Variants in GRM3 observed in about 807,000 individuals in gnomAD.
The protein encoded by GRM3 is metabotropic glutamate receptor 3.
Under a neutral mutation model 70.5 loss-of-function variants are expected in GRM3, and 26 were observed. That is an observed-to-expected ratio of 0.37 (90% CI 0.27 to 0.51). GRM3 has a LOEUF of 0.51. Among genes scored for constraint, GRM3 ranks in the 20% least tolerant of loss-of-function variants. The pLI is 0.93. For synonymous variants in GRM3, 443 were observed against 434.9 expected (o/e 1.02, Z -0.23); for missense variants, 859 against 1,123.8 (o/e 0.76, Z 3.37).
intron 3 of GRM3, among the ~76,000 whole-genome samples, chr7:86,814,435 C>T (rs1213602638): frequency 6.6e-6 from 1 of 151,668 alleles, no homozygotes; most frequent in African/African-American, 2.4e-5. Context: ...GCCTTTGCAT[C>T]CTCATAGCTT....
intron 3 of GRM3, among the ~76,000 whole-genome samples, chr7:86,835,277 G>A (rs530344679): frequency 1.1e-3 from 167 of 151,998 alleles, no homozygotes; most frequent in South Asian, 2.3e-3. Flanking sequence ...TTATTATTTA[G>A]TATTTAAATT....
rs5885556 is a variant in GRM3, at chr7:86,708,946, T to TAC, written c.-140-56046_-140-56045dup. The stretch of plus-strand genomic sequence containing the variant: ...CGAATCTCTGTCACACACATACATA[T>TAC]ACACACACACACACAAACAGAGTTA... On this transcript the variant is annotated intron_variant, in intron 1 of 5. Coordinates refer to ENST00000361669, the MANE Select transcript of GRM3 (RefSeq NM_000840.3). Among the ~76,000 whole-genome samples the TAC allele has an allele frequency of 3.3e-3, 498 of 151,484 alleles. 1 individual carries two copies. The highest frequency in any genetic ancestry group is 5.7e-3 in the Non-Finnish European group (388 of 67,778).
chr7:86,808,002 T>TTATGTGG (rs1194451352), intron 3 of GRM3, among the ~76,000 whole-genome samples: 1 of 152,116 alleles, frequency 6.6e-6, no homozygotes, highest in East Asian at 1.9e-4. Flanking sequence ...ATTGAGATAG[T>TTATGTGG]TATGTGGTTT....
chr7:86,810,956 C>G (rs1374048503), intron 3 of GRM3, among the ~76,000 whole-genome samples: 2 of 151,906 alleles, frequency 1.3e-5, no homozygotes, highest in Non-Finnish European at 2.9e-5. Flanking sequence ...AAAATTTCAT[C>G]TAGTCAATAA....
At chr7:86,690,728 A>C (rs970965041) in intron 1 of GRM3, among the ~76,000 whole-genome samples, 4 of 152,090 alleles carry the variant, frequency 2.6e-5, no homozygotes. Flanking sequence ...GTGGGAATCA[A>C]GAGTCTTGTT....
chr7:86,716,068 A>G (rs1204560301), intron 1 of GRM3, among the ~76,000 whole-genome samples: 1 of 152,116 alleles, frequency 6.6e-6, no homozygotes, highest in Non-Finnish European at 1.5e-5. Flanking sequence ...CCTTCTTTGC[A>G]TGTAAATGAA....
intron 1 of GRM3, among the ~76,000 whole-genome samples, chr7:86,672,711 A>G (rs2115913429): frequency 1.3e-5 from 2 of 152,270 alleles, no homozygotes; most frequent in South Asian, 4.1e-4. Flanking sequence ...CTCTCAAAGC[A>G]TCACATTGTC....
Position 86,651,813 on chromosome 7 carries a change from G to C in GRM3, c.-141+6941G>C, listed in dbSNP as rs111347454. ...GACGTCCCCTTGAAAAAAATGTTTT[G>C]AGGAATGCCAAAAGTCCCACTTCCC... On this transcript the variant is annotated intron_variant, in intron 1 of 5. Coordinates refer to ENST00000361669, the MANE Select transcript of GRM3 (RefSeq NM_000840.3). 6.9e-3 allele frequency among the ~76,000 whole-genome samples: 1,045 copies of C among 152,140 alleles called. 18 individuals carry two copies. Among genetic ancestry groups the C allele is most frequent in the African/African-American group, 0.024 (980 of 41,490 alleles).
intron 1 of GRM3, among the ~76,000 whole-genome samples, chr7:86,653,184 T>C (rs545037416): frequency 1.6e-3 from 250 of 152,244 alleles, no homozygotes; most frequent in African/African-American, 5.5e-3. Context: ...TGCTCTGGGC[T>C]CTCCTCCTCT....
chr7:86,791,520 G>A (rs1463351950), intron 3 of GRM3, among the ~76,000 whole-genome samples: 1 of 152,168 alleles, frequency 6.6e-6, no homozygotes, highest in Non-Finnish European at 1.5e-5. Flanking sequence ...ATTCGCCCAA[G>A]ATCAGTCAGC....
chr7:86,695,244 A>G (rs551448990), intron 1 of GRM3, among the ~76,000 whole-genome samples: 7 of 152,332 alleles, frequency 4.6e-5, no homozygotes, highest in African/African-American at 1.2e-4. Context: ...CCTTTCTCCT[A>G]TAAATAGATT....
rs371453726 is a variant in GRM3, at chr7:86,832,245, CTTT to C, written c.1325-6574_1325-6572del. Among the ~76,000 whole-genome samples the C allele has an allele frequency of 8.5e-3, 956 of 112,296 alleles. 9 individuals are homozygous for C. Among genetic ancestry groups the C allele is most frequent in the African/African-American group, 0.036 (921 of 25,874 alleles). 73.7% of individuals were successfully genotyped at this position (112,296 alleles called of 152,430 possible). On this transcript the variant is annotated intron_variant, in intron 3 of 5. Transcript: ENST00000361669. ...TTGGAGCCATGTTCCTGCTTGTAGCCTTTTTTTTTTTTTTTTTTTTTTGAGTTG... is the reference window on the plus strand; with the variant it reads ...TTGGAGCCATGTTCCTGCTTGTAGCCTTTTTTTTTTTTTTTTTTTGAGTTG...
chr7:86,660,061 T>C (rs1793854158), intron 1 of GRM3, among the ~76,000 whole-genome samples: 1 of 152,038 alleles, frequency 6.6e-6, no homozygotes. Context: ...ATCAGAATAG[T>C]ATATTTGCGT....
chr7:86,674,451 G>T (rs769648583), intron 1 of GRM3, among the ~76,000 whole-genome samples: 4 of 152,074 alleles, frequency 2.6e-5, no homozygotes, highest in Non-Finnish European at 5.9e-5. Flanking sequence ...TGTTAGAAGC[G>T]AGTCATTAGG....
intron 1 of GRM3, among the ~76,000 whole-genome samples, chr7:86,744,394 C>T (rs975705588): frequency 1.3e-5 from 2 of 151,514 alleles, no homozygotes; most frequent in African/African-American, 4.8e-5. Context: ...ATATTCTGGG[C>T]CCCTTAAAAT....
chr7:86,850,330 A>G, intron 4 of GRM3, 40 bp from the exon 5 acceptor site: 5 of 1,480,252 alleles, frequency 3.4e-6, no homozygotes, highest in Non-Finnish European at 4.7e-6. Flanking sequence ...ACTTGACTGA[A>G]TGTACAGCCA....
chr7:86,728,101 C>T (rs1795633795), intron 1 of GRM3, among the ~76,000 whole-genome samples: 1 of 151,988 alleles, frequency 6.6e-6, no homozygotes. Flanking sequence ...TGTGAATATC[C>T]CTCCATGTAC....
intron 5 of GRM3, 40 bp from the exon 6 acceptor site, chr7:86,864,242 T>A (rs750667170): frequency 4.0e-6 from 4 of 1,001,340 alleles, no homozygotes; most frequent in Non-Finnish European, 6.4e-6. Context: ...TGTGTCCCAC[T>A]TGACTAACTT....
At chr7:86,854,069 T>C (rs890104252) in intron 5 of GRM3, among the ~76,000 whole-genome samples, 3 of 152,154 alleles carry the variant, frequency 2.0e-5, no homozygotes, top group Non-Finnish European at 4.4e-5. Context: ...CAATGGGAAG[T>C]GCATAGACCC....
Sources: gnomAD v4.1 joint callset for allele counts (sites outside exome capture counted in the v4.1 genomes callset) on GRCh38, gnomAD v4.1.1 for gene constraint, MANE v1.5 for transcripts, NCBI Gene and HGNC (gene_info 2026-07-23, HGNC 2026-07-21) for gene names.